The following PHLPP1 variants were observed in gnomAD, a reference collection of about 807,000 sequenced individuals.
PHLPP1 encodes the protein PH domain leucine-rich repeat-containing protein phosphatase 1.
A neutral mutation model predicts 117.2 loss-of-function variants in PHLPP1; 42 were observed. The ratio of observed to expected loss-of-function variants is 0.36; its 90% CI spans 0.28 to 0.46. The LOEUF is 0.46. Among genes scored for constraint, PHLPP1 ranks in the 20% least tolerant of loss-of-function variants. The pLI, the probability that PHLPP1 is intolerant of heterozygous loss-of-function variation, is 1.00. For missense variants in PHLPP1, 2,084 were observed against 2,241.9 expected (o/e 0.93, Z 1.42); for synonymous variants, 1,042 against 970.7 (o/e 1.07, Z -1.37).
chr18:62,828,008 T>TTGTGTGTGTG (rs34088259), intron 1 of PHLPP1, among the ~76,000 whole-genome samples: 40 of 146,758 alleles, frequency 2.7e-4, no homozygotes, highest in Non-Finnish European at 4.5e-4. Context: ...TTCTTTGCAT[T>TTGTGTGTGTG]TGTGTGTGTG....
In PHLPP1 at chr18:62,860,485, A is replaced by T. The variant is rs1262638341; in HGVS notation, c.1950A>T (p.Glu650Asp). The change falls in exon 4 of 17, where the codon GAA becomes GAT. Residue 650 changes from glutamate to aspartate, a missense_variant. By Grantham distance (45) the Glu-to-Asp change is conservative (BLOSUM62 2). Around this residue, in one of 2 missense-constraint regions of PHLPP1, gnomAD observed 1,365 missense variants for 1,605.9 expected, o/e 0.85. Coordinates refer to ENST00000262719, the MANE Select transcript of PHLPP1 (RefSeq NM_194449.4). ...SSVDLSCCSL[E>D]HLPANLFYSQ... ...TGGACCTCTCGTGTTGTAGCCTGGAACATCTGCCTGCCAACCTCTTCTACA... is the reference window on the plus strand; with the variant it reads ...TGGACCTCTCGTGTTGTAGCCTGGATCATCTGCCTGCCAACCTCTTCTACA... The T allele has an allele frequency of 6.2e-7, 1 of 1,613,922 alleles. No homozygotes were observed. Among genetic ancestry groups the T allele is most frequent in the Admixed American group, 1.7e-5 (1 of 60,006 alleles).
chr18:62,903,091 C>G lies in PHLPP1; in HGVS notation c.2572C>G (p.His858Asp). Reference sequence around the variant, plus strand: ...GATTTTCAACAACATTGAAGTTTTACACTGTGAAAGGAATCAACTGGTCAC... The same window carrying G: ...GATTTTCAACAACATTGAAGTTTTAGACTGTGAAAGGAATCAACTGGTCAC... Reference protein sequence around the residue: ...AMIFNNIEVLHCERNQLVTLD... With the variant: ...AMIFNNIEVLDCERNQLVTLD... Residue 858 changes from histidine (H) to aspartate (D), a missense_variant, in exon 7 of 17, where the codon CAC becomes GAC. By Grantham distance (81) the His-to-Asp change is moderately conservative (BLOSUM62 -1). Transcript: ENST00000262719. The G allele has an allele frequency of 6.2e-7, 1 of 1,613,590 alleles. No individual in the cohort carries two copies. Among genetic ancestry groups the G allele is most frequent in the Non-Finnish European group, 8.5e-7 (1 of 1,179,672 alleles).
intron 1 of PHLPP1, among the ~76,000 whole-genome samples, chr18:62,828,361 C>G (rs888669761): frequency 1.3e-5 from 2 of 152,070 alleles, no homozygotes; most frequent in East Asian, 3.8e-4. Context: ...AAATAATCTT[C>G]TGGGCTTCCT....
chr18:62,861,464 T>A (rs1427079327), intron 4 of PHLPP1, among the ~76,000 whole-genome samples: 5 of 152,232 alleles, frequency 3.3e-5, no homozygotes, highest in Non-Finnish European at 7.3e-5. Context: ...CAAAACAGAT[T>A]TAAGAATTTA....
At chr18:62,742,216 G>A (rs1168119725) in intron 1 of PHLPP1, among the ~76,000 whole-genome samples, 2 of 152,154 alleles carry the variant, frequency 1.3e-5, no homozygotes, top group Non-Finnish European at 2.9e-5. Flanking sequence ...GAAGATAAAA[G>A]TAACGCGGTC....
chr18:62,967,917 C>T (rs1428475450), intron 14 of PHLPP1, among the ~76,000 whole-genome samples: 1 of 151,772 alleles, frequency 6.6e-6, no homozygotes, highest in East Asian at 1.9e-4. Context: ...CTCCGCCTCC[C>T]GGGTTCAAGC....
intron 1 of PHLPP1, among the ~76,000 whole-genome samples, chr18:62,721,917 AC>A (rs560993035): frequency 8.7e-4 from 133 of 152,318 alleles, no homozygotes; most frequent in Non-Finnish European, 1.5e-3. Flanking sequence ...TGGTAACATA[AC>A]ATTCACTGAC....
chr18:62,961,052 T>C (rs1173839954), intron 13 of PHLPP1, among the ~76,000 whole-genome samples: 1 of 152,136 alleles, frequency 6.6e-6, no homozygotes, highest in African/African-American at 2.4e-5. Flanking sequence ...ATCCCAGCAC[T>C]TTGGGAGGCC....
intron 4 of PHLPP1, among the ~76,000 whole-genome samples, chr18:62,872,524 C>G (rs928597175): frequency 2.0e-5 from 3 of 151,696 alleles, no homozygotes; most frequent in Non-Finnish European, 4.4e-5. Flanking sequence ...GAAACCTTGT[C>G]TCAACTAAAA....
In PHLPP1 at chr18:62,860,560, C is replaced by G; in HGVS notation, c.2025C>G (p.Asn675Lys). 6.2e-7 allele frequency: 1 copy of G among 1,613,542 alleles called. No homozygotes were observed. Among genetic ancestry groups the G allele is most frequent in the Non-Finnish European group, 8.5e-7 (1 of 1,179,696 alleles). The change falls in exon 4 of 17, where the codon AAC becomes AAG. Residue 675 changes from asparagine (N) to lysine (K), a missense_variant. Physicochemically the swap from Asn to Lys is moderately conservative, Grantham distance 94 (BLOSUM62 0). This residue lies in a region of PHLPP1 where 1,365 missense variants were observed against 1,605.9 expected (regional missense o/e 0.85). Transcript: ENST00000262719. The part of the protein sequence containing the change: ...LNLKQNFLRQ[N>K]PSLPAARGLN... ...TAAAACAAAACTTCCTAAGGCAGAA[C>G]CCTAGCCTTCCAGCTGCCAGGGGGC...
chr18:62,962,304 GTGTTA>G (rs1290956121), intron 13 of PHLPP1, among the ~76,000 whole-genome samples: 8 of 148,288 alleles, frequency 5.4e-5, no homozygotes, highest in South Asian at 2.1e-4. Flanking sequence ...GTTATGTTAT[GTGTTA>G]TGTTATTTAT....
At chr18:62,891,363 G>A (rs1053491228) in intron 4 of PHLPP1, among the ~76,000 whole-genome samples, 3 of 152,164 alleles carry the variant, frequency 2.0e-5, no homozygotes, top group East Asian at 3.9e-4. Context: ...CAAGGCGGGC[G>A]GATCACCTGA....
intron 15 of PHLPP1, among the ~76,000 whole-genome samples, chr18:62,974,473 C>G (rs1362371389): frequency 6.6e-6 from 1 of 152,150 alleles, no homozygotes; most frequent in East Asian, 1.9e-4. Context: ...AGGGTCTGCC[C>G]TTGTAAAACG....
rs763736492 is a variant in PHLPP1, at chr18:62,920,487, G to T, written c.2960+373G>T. Among the ~76,000 whole-genome samples, 62 of 152,286 alleles carry T rather than the reference G, an allele frequency of 4.1e-4. 1 individual carries two copies. Among genetic ancestry groups the T allele is most frequent in the Non-Finnish European group, 7.8e-4 (53 of 68,034 alleles). On this transcript the variant is annotated intron_variant, in intron 10 of 16. Transcript: ENST00000262719. ...TCTGTTCCCGCTTTCACATGTTTGGGACTTTGGGAGATGGAGATGAATTGT... is the reference window on the plus strand; with the variant it reads ...TCTGTTCCCGCTTTCACATGTTTGGTACTTTGGGAGATGGAGATGAATTGT...
intron 10 of PHLPP1, among the ~76,000 whole-genome samples, chr18:62,925,497 A>G (rs1226209487): frequency 1.3e-5 from 2 of 152,138 alleles, no homozygotes; most frequent in African/African-American, 4.8e-5. Flanking sequence ...GTCACATTAC[A>G]GGCCATAAGT....
intron 6 of PHLPP1, among the ~76,000 whole-genome samples, chr18:62,902,662 A>G (rs904780140): frequency 2.6e-5 from 4 of 152,302 alleles, no homozygotes; most frequent in Admixed American, 6.5e-5. Flanking sequence ...TCAGTGCTTA[A>G]GTGGAATTTT....
At chr18:62,718,432 T>A (rs1334728249) in intron 1 of PHLPP1, among the ~76,000 whole-genome samples, 2 of 152,220 alleles carry the variant, frequency 1.3e-5, no homozygotes, top group East Asian at 3.8e-4. Context: ...CATGAAGAAA[T>A]CTTTACATCT....
At chr18:62,776,498 A>G (rs985958696) in intron 1 of PHLPP1, among the ~76,000 whole-genome samples, 1 of 152,196 alleles carries the variant, frequency 6.6e-6, no homozygotes, top group African/African-American at 2.4e-5. Context: ...GTTGACATAC[A>G]AAATTGAGCC....
chr18:62,778,276 A>C (rs950178771), intron 1 of PHLPP1, among the ~76,000 whole-genome samples: 3 of 152,122 alleles, frequency 2.0e-5, no homozygotes, highest in African/African-American at 7.2e-5. Context: ...AGTTAAAAAG[A>C]CAGCGCTGGA....
Sources: gnomAD v4.1 joint callset for allele counts (sites outside exome capture counted in the v4.1 genomes callset) on GRCh38, gnomAD v4.1.1 for gene constraint, gnomAD v4.1.1 regional missense constraint, MANE v1.5 for transcripts, NCBI Gene and HGNC (gene_info 2026-07-23, HGNC 2026-07-21) for gene names.